PADI1: variants seen among roughly 807,000 people sequenced by gnomAD.
PADI1 encodes protein-arginine deiminase type-1.
PADI1 carries 65 observed loss-of-function variants against 74.8 expected under a neutral mutation model. That is an observed-to-expected ratio of 0.87 (90% CI 0.71 to 1.07). The LOEUF is 1.07. Ranked by LOEUF, PADI1 falls within the 50% of genes least tolerant of loss-of-function variation. PADI1 has a pLI of 0.00. For synonymous variants in PADI1, 371 were observed against 336.2 expected (o/e 1.10, Z -1.13); for missense variants, 943 against 854.0 (o/e 1.10, Z -1.30).
At chr1:17,215,017 G>A (rs1040678453) in intron 1 of PADI1, among the ~76,000 whole-genome samples, 1 of 152,224 alleles carries the variant, frequency 6.6e-6, no homozygotes, top group African/African-American at 2.4e-5. Context: ...AAGCTGACCT[G>A]GATGGGGGTG....
rs1314813382 is a variant in PADI1 at position 17,244,297 on chromosome 1, G to T, written c.*54G>T. The T allele has an allele frequency of 7.2e-7, 1 of 1,381,830 alleles. No individual in the cohort carries two copies. Among genetic ancestry groups the T allele is most frequent in the Admixed American group, 1.7e-5 (1 of 59,376 alleles). 85.6% of individuals were successfully genotyped at this position (1,381,830 alleles called of 1,614,324 possible). A position where few individuals can be genotyped will look rare whatever the true frequency, so the allele number is the denominator to read the frequency against. On this transcript the variant is annotated 3_prime_UTR_variant, in exon 16 of 16. Transcript: ENST00000375471. ...CCTCTTGCTAGGGAACCCTGCCAGG[G>T]TGAAGGCAAGGAACAACCACCTGGC... is the stretch of plus-strand genomic sequence containing the variant.
At chr1:17,207,927 G>A (rs554029184) in intron 1 of PADI1, among the ~76,000 whole-genome samples, 2 of 152,348 alleles carry the variant, frequency 1.3e-5, no homozygotes, top group East Asian at 1.9e-4. Context: ...CCAGGTCTGC[G>A]ATGGGCAGGG....
At chr1:17,237,187 C>A in intron 11 of PADI1, 127 bp from the exon 12 acceptor site, 3 of 1,098,604 alleles carry the variant, frequency 2.7e-6, no homozygotes, top group Non-Finnish European at 3.9e-6. Flanking sequence ...TCTCCACGCT[C>A]TACGCCCCAC....
chr1:17,229,393 C>T (rs965565988), intron 8 of PADI1, among the ~76,000 whole-genome samples: 7 of 152,242 alleles, frequency 4.6e-5, no homozygotes, highest in Admixed American at 1.3e-4. Context: ...GAGACCTACC[C>T]TCACTGTAAC....
chr1:17,234,164 T>C (rs554425138), intron 11 of PADI1, among the ~76,000 whole-genome samples: 1 of 152,350 alleles, frequency 6.6e-6, no homozygotes, highest in African/African-American at 2.4e-5. Flanking sequence ...CCCAAACCAG[T>C]GTATACCACA....
chr1:17,238,746 T>G, intron 13 of PADI1, 37 bp downstream of exon 13: 6 of 1,121,114 alleles, frequency 5.4e-6, no homozygotes, highest in Non-Finnish European at 7.4e-6. Context: ...TGGGGGACCC[T>G]GCCCTTTCAT....
chr1:17,237,458 G>T lies in PADI1; in HGVS notation c.1458G>T (p.Lys486Asn). 6.2e-7 allele frequency: 1 copy of T among 1,608,140 alleles called. No individual in the cohort carries two copies. The highest frequency in any genetic ancestry group is 1.7e-4 in the Middle Eastern group (1 of 6,024). The part of the protein sequence containing the change: ...FLTFVPTSDQ[K>N]GFRLLLASPS... Reference sequence around the variant, plus strand: ...CCTTTGTGCCTACCTCTGACCAAAAGGTGCGTCCCCTCCTTCCCTGCCTGA... The same window carrying T: ...CCTTTGTGCCTACCTCTGACCAAAATGTGCGTCCCCTCCTTCCCTGCCTGA... The change falls in exon 12 of 16, where the codon AAG becomes AAT. Residue 486 changes from lysine to asparagine, a missense_variant and splice_region_variant. Lys to Asn is a moderately conservative substitution (Grantham distance 94). Coordinates refer to ENST00000375471, the MANE Select transcript of PADI1 (RefSeq NM_013358.3).
At chr1:17,215,396 G>A (rs2977282) in intron 1 of PADI1, among the ~76,000 whole-genome samples, 42,135 of 135,286 alleles carry the variant, frequency 0.31, 6,492 homozygotes, top group African/African-American at 0.5. Flanking sequence ...CATCATCATC[G>A]TCATCATCAT....
chr1:17,239,834 AG>A, intron 14 of PADI1, 51 bp downstream of exon 14: 2 of 1,437,996 alleles, frequency 1.4e-6, no homozygotes, highest in Non-Finnish European at 1.9e-6. Flanking sequence ...CCTTCCAGGG[AG>A]AAGAAGCCCC....
intron 1 of PADI1, among the ~76,000 whole-genome samples, chr1:17,215,679 C>T (rs534982692): frequency 1.3e-5 from 2 of 152,266 alleles, no homozygotes; most frequent in East Asian, 3.9e-4. Context: ...GCCACCTCCC[C>T]GCTGGGCAGT....
chr1:17,240,572 T>C, intron 14 of PADI1, 63 bp from the exon 15 acceptor site: 2 of 1,582,244 alleles, frequency 1.3e-6, no homozygotes, highest in Non-Finnish European at 1.7e-6. Context: ...CAGCGCACAG[T>C]AGGTGCTTGG....
intron 1 of PADI1, among the ~76,000 whole-genome samples, chr1:17,220,365 G>A (rs146096161): frequency 6.6e-6 from 1 of 152,110 alleles, no homozygotes; most frequent in Non-Finnish European, 1.5e-5. Context: ...AGGGGGTCTG[G>A]TTTCTCCAGA....
In PADI1 at chr1:17,223,706, T is replaced by C; in HGVS notation, c.346+13T>C. The C allele has an allele frequency of 6.2e-7, 1 of 1,609,026 alleles. No individual in the cohort carries two copies. Among genetic ancestry groups the C allele is most frequent in the Non-Finnish European group, 8.5e-7 (1 of 1,175,544 alleles). On this transcript the variant is annotated intron_variant, in intron 3 of 15. Coordinates refer to ENST00000375471, the MANE Select transcript of PADI1 (RefSeq NM_013358.3). Reference sequence around the variant, plus strand: ...CTCACTGGCGTCGGTAAGTAGCAGCTCCCTGGCTGCCCATCTATCCCTTTG... The same window carrying C: ...CTCACTGGCGTCGGTAAGTAGCAGCCCCCTGGCTGCCCATCTATCCCTTTG...
chr1:17,228,994 T>A lies in PADI1; in HGVS notation c.872T>A (p.Met291Lys). 1 of 1,596,866 alleles carries A rather than the reference T, an allele frequency of 6.3e-7. No individual in the cohort carries two copies. Among genetic ancestry groups the A allele is most frequent in the Non-Finnish European group, 8.5e-7 (1 of 1,170,992 alleles). The change falls in exon 8 of 16, where the codon ATG (methionine) becomes AAG (lysine). Residue 291 changes from methionine (M) to lysine (K), a missense_variant. Coordinates refer to ENST00000375471, the MANE Select transcript of PADI1 (RefSeq NM_013358.3). ...TLFTDTVGFRMAPWIMTPNTQ... is the reference protein window; with the variant it reads ...TLFTDTVGFRKAPWIMTPNTQ... ...TTCACAGACACTGTGGGCTTCCGCA[T>A]GGCCCCCTGGATCATGACGCCCAAC...
intron 4 of PADI1, among the ~76,000 whole-genome samples, chr1:17,225,436 T>C (rs2072280199): frequency 6.6e-6 from 1 of 152,176 alleles, no homozygotes; most frequent in African/African-American, 2.4e-5. Context: ...CTCCCAAAGA[T>C]TCTCCAGATC....
intron 9 of PADI1, 118 bp downstream of exon 9, chr1:17,230,326 T>C (rs2072452642): frequency 8.5e-6 from 11 of 1,295,518 alleles, no homozygotes; most frequent in South Asian, 7.2e-5. Flanking sequence ...GCCAGGCCTC[T>C]GGGGCGAGGG....
Position 17,239,506 on chromosome 1 carries a change from C to T in PADI1, c.1553-198C>T. The T allele has an allele frequency of 5.4e-6, 3 of 551,062 alleles. No homozygotes were observed. In the South Asian group the frequency reaches 6.9e-5, roughly 13 times the overall value. The allele number at this position is 551,062 out of a possible 1,614,324, so 34.1% of individuals were successfully genotyped here. ...TCCAGAGTCACTTCCTGAGGGGTTC[C>T]TTATCCATCACCAGGTTTTCCTTGC... is the stretch of plus-strand genomic sequence containing the variant. On this transcript the variant is annotated intron_variant, in intron 13 of 15. Transcript: ENST00000375471.
intron 1 of PADI1, among the ~76,000 whole-genome samples, chr1:17,221,546 A>C (rs1379309314): frequency 1.3e-5 from 2 of 151,466 alleles, no homozygotes; most frequent in East Asian, 1.9e-4. Context: ...GGCAAGGTGC[A>C]GCATTAAATG....
At chr1:17,221,514 G>T (rs2072149579) in intron 1 of PADI1, among the ~76,000 whole-genome samples, 1 of 151,698 alleles carries the variant, frequency 6.6e-6, no homozygotes, top group Non-Finnish European at 1.5e-5. Flanking sequence ...GGGAGATGGG[G>T]GATCAGTCGG....
Sources: allele counts gnomAD v4.1 joint callset (sites outside exome capture counted in the v4.1 genomes callset), GRCh38; gene constraint gnomAD v4.1.1; transcripts MANE v1.5; gene names NCBI Gene and HGNC (gene_info 2026-07-23, HGNC 2026-07-21).